The following EFCAB6 variants were observed in gnomAD, a reference collection of about 807,000 sequenced individuals.
EFCAB6 encodes EF-hand calcium binding domain 6, also known as EF-hand calcium-binding domain-containing protein 6.
A neutral mutation model predicts 169.8 loss-of-function variants in EFCAB6; 156 were observed. That is an observed-to-expected ratio of 0.92 (90% confidence interval 0.81 to 1.05). The LOEUF (loss-of-function observed/expected upper bound fraction) is 1.05, where lower values mean the gene tolerates loss of function less well. EFCAB6 is among the 50% of genes least tolerant of loss of function. The pLI is 0.00. For missense variants in EFCAB6, 1,800 were observed against 1,829.1 expected, an observed-to-expected ratio of 0.98 and a Z score of 0.29; for synonymous variants, 698 against 676.4, an observed-to-expected ratio of 1.03 and a Z score of -0.50.
intron 2 of EFCAB6, among the ~76,000 whole-genome samples, chr22:43,784,668 T>TAC (rs1491040420): frequency 2.9e-5 from 2 of 68,794 alleles, no homozygotes; most frequent in South Asian, 4.6e-4. Flanking sequence ...TATATACATA[T>TAC]ACATATATAC....
intron 26 of EFCAB6, among the ~76,000 whole-genome samples, chr22:43,563,963 C>T (rs550531020): frequency 3.9e-5 from 6 of 152,354 alleles, no homozygotes; most frequent in African/African-American, 1.4e-4. Context: ...GGTCCAATCA[C>T]AGGCTCCAAT....
intron 2 of EFCAB6, 129 bp from the exon 3 acceptor site, chr22:43,782,454 C>CAAAGCAGA: frequency 1.3e-6 from 1 of 761,924 alleles, no homozygotes; most frequent in Non-Finnish European, 2.1e-6. Flanking sequence ...TCATAATCTG[C>CAAAGCAGA]TTTGCTGATG....
chr22:43,676,177 G>T (rs1166972647), intron 13 of EFCAB6, among the ~76,000 whole-genome samples: 1 of 151,970 alleles, frequency 6.6e-6, no homozygotes, highest in Non-Finnish European at 1.5e-5. Flanking sequence ...CAGCACCTTG[G>T]GAGGCCGAGG....
chr22:43,705,620 A>G (rs916080891), intron 10 of EFCAB6, among the ~76,000 whole-genome samples: 3 of 152,310 alleles, frequency 2.0e-5, no homozygotes, highest in Middle Eastern at 6.8e-3. Flanking sequence ...TATGCTCTTG[A>G]ACAACCAATA....
At chr22:43,663,261 A>C (rs746729214) in intron 17 of EFCAB6, among the ~76,000 whole-genome samples, 6 of 152,222 alleles carry the variant, frequency 3.9e-5, no homozygotes, top group Non-Finnish European at 7.3e-5. Flanking sequence ...GTCAATTTCA[A>C]AGGCTTCCAC....
intron 8 of EFCAB6, among the ~76,000 whole-genome samples, chr22:43,720,632 A>C (rs2059488883): frequency 6.6e-6 from 1 of 151,864 alleles, no homozygotes; most frequent in Non-Finnish European, 1.5e-5. Context: ...AAGAAGGGAG[A>C]GAGGGAGGAA....
chr22:43,682,093 C>G (rs564513810), intron 12 of EFCAB6, among the ~76,000 whole-genome samples: 1 of 152,194 alleles, frequency 6.6e-6, no homozygotes, highest in African/African-American at 2.4e-5. Flanking sequence ...CCACTCCTGG[C>G]TCCCACCCTT....
At chr22:43,614,516 A>G (rs1334151758) in intron 21 of EFCAB6, among the ~76,000 whole-genome samples, 1 of 152,224 alleles carries the variant, frequency 6.6e-6, no homozygotes, top group Non-Finnish European at 1.5e-5. Flanking sequence ...ATACAAAACT[A>G]TGAAACTCTC....
At chr22:43,788,510 C>T (rs1435703532) in intron 2 of EFCAB6, among the ~76,000 whole-genome samples, 1 of 152,044 alleles carries the variant, frequency 6.6e-6, no homozygotes, top group African/African-American at 2.4e-5. Context: ...TAGAAAAATG[C>T]AGATCAAAAC....
chr22:43,685,864 T>C (rs1410451226), intron 11 of EFCAB6, among the ~76,000 whole-genome samples: 1 of 152,218 alleles, frequency 6.6e-6, no homozygotes, highest in Non-Finnish European at 1.5e-5. Context: ...TGTTTATGCT[T>C]GAAAAATATG....
intron 27 of EFCAB6, among the ~76,000 whole-genome samples, chr22:43,543,796 C>T (rs1221196748): frequency 1.3e-5 from 2 of 152,146 alleles, no homozygotes; most frequent in African/African-American, 2.4e-5. Context: ...GGGAAAGGGA[C>T]CCCTCTCAGG....
intron 21 of EFCAB6, among the ~76,000 whole-genome samples, chr22:43,609,105 G>A (rs560458250): frequency 2.4e-4 from 36 of 152,306 alleles, no homozygotes; most frequent in African/African-American, 8.2e-4. Context: ...GCTAACACGT[G>A]TGGTTCTCAG....
At chr22:43,758,144 T>A (rs1255667020) in intron 5 of EFCAB6, among the ~76,000 whole-genome samples, 1 of 152,166 alleles carries the variant, frequency 6.6e-6, no homozygotes, top group Non-Finnish European at 1.5e-5. Flanking sequence ...TTTCTTTTAG[T>A]CTTTTTAATC....
chr22:43,559,714 G>A (rs1602256378), intron 26 of EFCAB6, among the ~76,000 whole-genome samples: 1 of 152,332 alleles, frequency 6.6e-6, no homozygotes, highest in African/African-American at 2.4e-5. Flanking sequence ...CCTTTGCAGG[G>A]ATATGGATAA....
chr22:43,618,908 CTCT>C (rs1569258775), intron 20 of EFCAB6, among the ~76,000 whole-genome samples: 3 of 25,322 alleles, frequency 1.2e-4, no homozygotes, highest in Non-Finnish European at 2.0e-4. Flanking sequence ...TTTTCTCTCT[CTCT>C]TTTTTTTTTT....
At chr22:43,615,739 C>T in intron 21 of EFCAB6, 87 bp downstream of exon 21, 1 of 1,169,024 alleles carries the variant, frequency 8.6e-7, no homozygotes, top group Non-Finnish European at 1.2e-6. Context: ...ATCTTAGCGT[C>T]TGGATCTGAA....
At chr22:43,718,889 G>A (rs1401090866) in intron 8 of EFCAB6, among the ~76,000 whole-genome samples, 1 of 152,222 alleles carries the variant, frequency 6.6e-6, no homozygotes, top group Admixed American at 6.5e-5. Flanking sequence ...CATTTGAGCT[G>A]CAAGGGCCCT....
chr22:43,656,282 C>T (rs1239068333), intron 17 of EFCAB6, among the ~76,000 whole-genome samples: 1 of 151,890 alleles, frequency 6.6e-6, no homozygotes, highest in African/African-American at 2.4e-5. Flanking sequence ...CCCAGCTACT[C>T]GGGAGGCTGA....
At chr22:43,657,439 C>T (rs1166082972) in intron 17 of EFCAB6, among the ~76,000 whole-genome samples, 2 of 144,954 alleles carry the variant, frequency 1.4e-5, no homozygotes, top group Non-Finnish European at 3.1e-5. Context: ...AAAAAAAAAA[C>T]ACTAGAAAAT....
Sources: allele counts gnomAD v4.1 joint callset (sites outside exome capture counted in the v4.1 genomes callset), GRCh38; gene constraint gnomAD v4.1.1; transcripts MANE v1.5; gene names NCBI Gene and HGNC (gene_info 2026-07-23, HGNC 2026-07-21).